The following INKA2 variants were observed in gnomAD, a reference collection of about 807,000 sequenced individuals.
The protein encoded by INKA2 is inka box actin regulator 2.
Under a neutral mutation model 9.8 loss-of-function variants are expected in INKA2, and 3 were observed. The ratio of observed to expected loss-of-function variants is 0.31; its 90% confidence interval spans 0.14 to 0.79. INKA2 has a LOEUF of 0.79. INKA2 is among the 30% of genes least tolerant of loss of function. The pLI, the probability that INKA2 is intolerant of heterozygous loss-of-function variation, is 0.62. For missense variants in INKA2, 392 were observed against 384.4 expected, an observed-to-expected ratio of 1.02 and a Z score of -0.17; for synonymous variants, 147 against 143.3, an observed-to-expected ratio of 1.03 and a Z score of -0.18.
rs1317733183 is a variant in INKA2, at chr1:111,722,721, C to T, written c.*4247G>A. ...TATACAGTGTACAAAAACATGTCAC[C>T]TATTGTCTTCTCTGACCCTTGCTAC... On this transcript the variant is annotated 3_prime_UTR_variant, in exon 2 of 2. Transcript: ENST00000357260. 1.4e-5 allele frequency: 3 copies of T among 217,676 alleles called. No homozygotes were observed. Among genetic ancestry groups the T allele is most frequent in the Admixed American group, 1.1e-4 (2 of 17,854 alleles). The allele number at this position is 217,676 out of a possible 1,614,324, so 13.5% of individuals were successfully genotyped here. A position where few individuals can be genotyped will look rare whatever the true frequency, so the allele number is the denominator to read the frequency against.
At position 111,725,993 on chromosome 1, in the gene INKA2, T is replaced by C. The variant is rs888728662; in HGVS notation, c.*975A>G. The C allele has an allele frequency of 5.0e-6, 2 of 397,586 alleles. No homozygotes were observed. Among genetic ancestry groups the C allele is most frequent in the Admixed American group, 4.4e-5 (1 of 22,682 alleles). 24.6% of individuals were successfully genotyped at this position (397,586 alleles called of 1,614,324 possible). A position where few individuals can be genotyped will look rare whatever the true frequency, so the allele number is the denominator to read the frequency against. ...CCCAGGTAATCCGCCTGCCTTGCCC[T>C]CCCAAAGTGCTGGGATTACAGGCGT... On this transcript the variant is annotated 3_prime_UTR_variant, in exon 2 of 2. Coordinates refer to ENST00000357260, the MANE Select transcript of INKA2 (RefSeq NM_019099.5).
In INKA2 at chr1:111,727,132, G is replaced by A. The variant is rs774657384; in HGVS notation, c.730C>T (p.Arg244Cys). The change falls in exon 2 of 2, where the codon CGC (arginine) becomes TGC (cysteine). Residue 244 changes from arginine to cysteine, a missense_variant. Transcript: ENST00000357260. ...CTCCGCTTCTTGACCTTCTGTGAGCGGCCGGTTCGGGACTCAGGGACCATG... is the reference window on the plus strand; with the variant it reads ...CTCCGCTTCTTGACCTTCTGTGAGCAGCCGGTTCGGGACTCAGGGACCATG... ...TPMVPESRTG[R>C]SQKVKKRSLS... 1.7e-5 allele frequency: 28 copies of A among 1,614,084 alleles called. No individual in the cohort carries two copies. Among genetic ancestry groups the A allele is most frequent in the Admixed American group, 1.0e-4 (6 of 60,014 alleles).
intron 1 of INKA2, among the ~76,000 whole-genome samples, chr1:111,732,173 G>A (rs1662919637): frequency 6.6e-6 from 1 of 152,214 alleles, no homozygotes; most frequent in Non-Finnish European, 1.5e-5. Flanking sequence ...ACTGACCCCA[G>A]GGGATGCCAT....
chr1:111,732,612 G>A (rs1307273297), intron 1 of INKA2, among the ~76,000 whole-genome samples: 1 of 140,930 alleles, frequency 7.1e-6, no homozygotes, highest in African/African-American at 2.8e-5. Context: ...GAACTAACCT[G>A]CTCCACCATC....
intron 1 of INKA2, among the ~76,000 whole-genome samples, chr1:111,732,197 A>G (rs1662920528): frequency 6.6e-6 from 1 of 152,214 alleles, no homozygotes; most frequent in Admixed American, 6.5e-5. Context: ...CCAAGGAAGA[A>G]GAGTCAGAGG....
intron 1 of INKA2, among the ~76,000 whole-genome samples, chr1:111,751,636 C>G (rs115517545): frequency 1.3e-5 from 2 of 152,194 alleles, no homozygotes; most frequent in Admixed American, 1.3e-4. Flanking sequence ...AAAGTCCAGA[C>G]ACCAACCTGG....
chr1:111,749,198 G>C (rs1213347145), intron 1 of INKA2, among the ~76,000 whole-genome samples: 1 of 152,204 alleles, frequency 6.6e-6, no homozygotes, highest in Non-Finnish European at 1.5e-5. Flanking sequence ...CATGCTCTAT[G>C]TACTCCAGAC....
At position 111,727,675 on chromosome 1, in the gene INKA2, C is replaced by G. The variant is rs1334290946; in HGVS notation, c.187G>C (p.Val63Leu). 7 of 1,612,010 alleles carry G rather than the reference C, an allele frequency of 4.3e-6. No homozygotes were observed. In the South Asian group the frequency reaches 7.7e-5, roughly 18 times the overall value. Residue 63 changes from valine to leucine, a missense_variant, in exon 2 of 2, where the codon GTG becomes CTG. Physicochemically the swap from Val to Leu is conservative, Grantham distance 32. Transcript: ENST00000357260. The stretch of plus-strand genomic sequence containing the variant: ...CTGGGACCTTCAGGGCTGCCTGGCA[C>G]AGGACCCCCTCCAGAGATCTCCAGC... ...EQLEISGGGP[V>L]PGSPEGPRTQ... is the part of the protein sequence containing the mutation.
In INKA2 at chr1:111,726,733, A is replaced by G. The variant is rs1466285519; in HGVS notation, c.*235T>C. On this transcript the variant is annotated 3_prime_UTR_variant, in exon 2 of 2. Transcript: ENST00000357260. ...CATGCACACACACACACACACACGC[A>G]CAGCTCACTCTCCAGCTACTCTTAC... is the stretch of plus-strand genomic sequence containing the variant. 1.0e-5 allele frequency: 6 copies of G among 578,506 alleles called. No individual in the cohort carries two copies. Among genetic ancestry groups the G allele is most frequent in the African/African-American group, 9.4e-5 (5 of 53,100 alleles). 35.8% of individuals were successfully genotyped at this position (578,506 alleles called of 1,614,324 possible).
chr1:111,754,377 T>C (rs911178851), intron 1 of INKA2: 6 of 152,238 alleles, frequency 3.9e-5, no homozygotes, highest in African/African-American at 1.4e-4. Flanking sequence ...GGGATTACCA[T>C]GTCAAAGCCC....
rs780859676 is a variant in INKA2, at chr1:111,724,333, A to C, written c.*2635T>G. 3 of 152,226 alleles carry C rather than the reference A, an allele frequency of 2.0e-5. No individual in the cohort carries two copies. Among genetic ancestry groups the C allele is most frequent in the Non-Finnish European group, 2.9e-5 (2 of 68,052 alleles). 9.4% of individuals were successfully genotyped at this position (152,226 alleles called of 1,614,324 possible). A position where few individuals can be genotyped will look rare whatever the true frequency, so the allele number is the denominator to read the frequency against. ...CAACACCTGGTGCTGGGAGGTGTTC[A>C]TAAAGTTCTGTTCAATTTATCCGAA... is the stretch of plus-strand genomic sequence containing the variant. On this transcript the variant is annotated 3_prime_UTR_variant, in exon 2 of 2. Coordinates refer to ENST00000357260, the MANE Select transcript of INKA2 (RefSeq NM_019099.5).
In INKA2 at chr1:111,726,337, T is replaced by C. The variant is rs1662770258; in HGVS notation, c.*631A>G. 1 of 353,498 alleles carries C rather than the reference T, an allele frequency of 2.8e-6. No individual in the cohort carries two copies. Among genetic ancestry groups the C allele is most frequent in the Non-Finnish European group, 5.0e-6 (1 of 198,404 alleles). 21.9% of individuals were successfully genotyped at this position (353,498 alleles called of 1,614,324 possible). A position where few individuals can be genotyped will look rare whatever the true frequency, so the allele number is the denominator to read the frequency against. ...GCTTCCCTGGCTGCTCCTTACACAC[T>C]GTACTCCTTATTCAGCTCATTTTCT... On this transcript the variant is annotated 3_prime_UTR_variant, in exon 2 of 2. Transcript: ENST00000357260.
chr1:111,726,794 C>A lies in INKA2; in HGVS notation c.*174G>T. On this transcript the variant is annotated 3_prime_UTR_variant, in exon 2 of 2. Transcript: ENST00000357260. ...AGCTAGCCCCCAAGACAGCCTCTCCCAACCACCTTCCCTTCAGTCCTGAGC... is the reference window on the plus strand; with the variant it reads ...AGCTAGCCCCCAAGACAGCCTCTCCAAACCACCTTCCCTTCAGTCCTGAGC... The A allele has an allele frequency of 1.4e-6, 1 of 711,292 alleles. No homozygotes were observed. Among genetic ancestry groups the A allele is most frequent in the Non-Finnish European group, 2.4e-6 (1 of 418,950 alleles). 44.1% of individuals were successfully genotyped at this position (711,292 alleles called of 1,614,324 possible). A position where few individuals can be genotyped will look rare whatever the true frequency, so the allele number is the denominator to read the frequency against.
chr1:111,745,286 TA>T (rs1337644246), intron 1 of INKA2: 7 of 50,896 alleles, frequency 1.4e-4, no homozygotes, highest in South Asian at 1.2e-3. Context: ...TATATATATA[TA>T]TATATATTTT....
At position 111,724,565 on chromosome 1, in the gene INKA2, G is replaced by GCACACACACACACA. The variant is rs71714685; in HGVS notation, c.*2389_*2402dup. On this transcript the variant is annotated 3_prime_UTR_variant, in exon 2 of 2. Transcript: ENST00000357260. ...ACATGCAGTTTCTTAGCACGCGCAG[G>GCACACACACACACA]CACACACACACACACACACACACAC... The GCACACACACACACA allele has an allele frequency of 2.3e-4, 33 of 144,528 alleles. No homozygotes were observed. The highest frequency in any genetic ancestry group is 7.9e-4 in the African/African-American group (31 of 39,348). The allele number at this position is 144,528 out of a possible 1,614,324, so 9.0% of individuals were successfully genotyped here.
At position 111,754,558 on chromosome 1, in the gene INKA2, G is replaced by A. The variant is rs1413572905; in HGVS notation, n.124+1143C>T. 2.0e-5 allele frequency: 3 copies of A among 152,156 alleles called. No homozygotes were observed. In the East Asian group the frequency reaches 5.8e-4, roughly 29 times the overall value. The allele number at this position is 152,156 out of a possible 1,614,324, so 9.4% of individuals were successfully genotyped here. A position where few individuals can be genotyped will look rare whatever the true frequency, so the allele number is the denominator to read the frequency against. On this transcript the variant is annotated intron_variant and non_coding_transcript_variant, in intron 1 of 1. Transcript: ENST00000444059. ...TTTACTTTTTAAGAATTTGAGACAG[G>A]GTTTCTGCATGTTGCCCAGGCTGGC... is the stretch of plus-strand genomic sequence containing the variant.
At chr1:111,751,967 G>A (rs1663421199) in intron 1 of INKA2, among the ~76,000 whole-genome samples, 3 of 150,804 alleles carry the variant, frequency 2.0e-5, no homozygotes, top group Admixed American at 2.0e-4. Context: ...TTGCAAGAAG[G>A]TATAACTTTA....
Position 111,724,030 on chromosome 1 carries a change from T to C in INKA2, c.*2938A>G, listed in dbSNP as rs1264687585. On this transcript the variant is annotated 3_prime_UTR_variant, in exon 2 of 2. Transcript: ENST00000357260. ...CACTACTGTGTGACCTTGGACAAGT[T>C]GCTTAACTTCTCTGAGCCTGTCCAT... is the stretch of plus-strand genomic sequence containing the variant. 6.6e-6 allele frequency: 1 copy of C among 152,274 alleles called. No homozygotes were observed. Among genetic ancestry groups the C allele is most frequent in the Admixed American group, 6.5e-5 (1 of 15,286 alleles). The allele number at this position is 152,274 out of a possible 1,614,324, so 9.4% of individuals were successfully genotyped here.
chr1:111,738,296 G>A (rs1342377096), intron 1 of INKA2, among the ~76,000 whole-genome samples: 1 of 152,176 alleles, frequency 6.6e-6, no homozygotes, highest in African/African-American at 2.4e-5. Context: ...GTGGCAGGTG[G>A]CGTGGGGGCG....
Sources: allele counts gnomAD v4.1 joint callset (sites outside exome capture counted in the v4.1 genomes callset), GRCh38; gene constraint gnomAD v4.1.1; transcripts MANE v1.5; gene names NCBI Gene and HGNC (gene_info 2026-07-23, HGNC 2026-07-21).